LINGO2: variants seen among roughly 807,000 people sequenced by gnomAD.
LINGO2 encodes the protein leucine-rich repeat and immunoglobulin-like domain-containing nogo receptor-interacting protein 2.
A neutral mutation model predicts 30.6 loss-of-function variants in LINGO2; 14 were observed. The observed-to-expected ratio is 0.46, with a 90% CI of 0.30 to 0.72. The LOEUF is 0.72. Among genes scored for constraint, LINGO2 ranks in the 30% least tolerant of loss-of-function variants. The probability of loss-of-function intolerance (pLI) is 0.07; values close to 1 mark genes in which losing one functional copy is unlikely to be tolerated. For missense variants in LINGO2, 729 were observed against 751.7 expected (o/e 0.97, Z 0.35); for synonymous variants, 317 against 288.5 (o/e 1.10, Z -1.00).
In LINGO2 at chr9:28,305,041, T is replaced by A. The variant is rs374420173; in HGVS notation, c.-245-9675A>T. Among the ~76,000 whole-genome samples the A allele has an allele frequency of 1.4e-4, 21 of 152,122 alleles. No homozygotes were observed. The South Asian group carries it at 3.7e-3, about 27-fold the overall frequency. On this transcript the variant is annotated intron_variant, in intron 3 of 5. Coordinates refer to ENST00000379992, the Ensembl canonical transcript of LINGO2. ...AGCCAGAGCAACTTTACAATAAAGA[T>A]ACATTAAATTAAAAGAGATTTGCTT...
At chr9:28,758,163 T>C in the LINGO2 span, among the ~76,000 whole-genome samples, 7 of 152,188 alleles carry the variant, frequency 4.6e-5, no homozygotes, top group Non-Finnish European at 7.4e-5. Context: ...TTATGATTGC[T>C]TACCTGTTCA....
intron 1 of LINGO2, among the ~76,000 whole-genome samples, chr9:28,622,091 C>T (rs1447502150): frequency 6.6e-6 from 1 of 152,020 alleles, no homozygotes; most frequent in East Asian, 1.9e-4. Flanking sequence ...TTGATACAGG[C>T]ATGAAATGCA....
At position 28,408,867 on chromosome 9, in the gene LINGO2, T is replaced by C. The variant is rs1489630220; in HGVS notation, c.-278-35999A>G. Among the ~76,000 whole-genome samples, 6 of 152,174 alleles carry C rather than the reference T, an allele frequency of 3.9e-5. No individual in the cohort carries two copies. The South Asian group carries it at 1.0e-3, about 26-fold the overall frequency. Reference sequence around the variant, plus strand: ...GGATGACAAAGAGAACCACTTTCTTTGAAGTTCATAAAAAGGGAAGAATTT... The same window carrying C: ...GGATGACAAAGAGAACCACTTTCTTCGAAGTTCATAAAAAGGGAAGAATTT... On this transcript the variant is annotated intron_variant, in intron 2 of 5. Coordinates refer to ENST00000379992, the Ensembl canonical transcript of LINGO2.
the LINGO2 span, among the ~76,000 whole-genome samples, chr9:28,935,965 G>A: frequency 6.6e-6 from 1 of 152,070 alleles, no homozygotes; most frequent in Non-Finnish European, 1.5e-5. Flanking sequence ...TATTAAAATA[G>A]AGTCATATTA....
the LINGO2 span, among the ~76,000 whole-genome samples, chr9:29,067,046 G>T: frequency 8.6e-3 from 1,305 of 151,888 alleles, 17 homozygotes; most frequent in Admixed American, 0.018. Context: ...AAAGAATAAG[G>T]TTAACTATAT....
intron 1 of LINGO2, among the ~76,000 whole-genome samples, chr9:28,651,618 A>G (rs766009112): frequency 7.9e-5 from 12 of 152,166 alleles, no homozygotes; most frequent in Non-Finnish European, 1.6e-4. Flanking sequence ...TAGTTGAGGC[A>G]GGTGAAAATT....
chr9:28,124,096 T>C (rs1438339952), intron 4 of LINGO2, among the ~76,000 whole-genome samples: 2 of 152,216 alleles, frequency 1.3e-5, no homozygotes, highest in South Asian at 2.1e-4. Flanking sequence ...CACTTATTAC[T>C]GTGGATTCTC....
At chr9:28,074,005 T>C (rs1297000803) in intron 4 of LINGO2, among the ~76,000 whole-genome samples, 2 of 152,222 alleles carry the variant, frequency 1.3e-5, no homozygotes, top group African/African-American at 4.8e-5. Flanking sequence ...TATCAGAATA[T>C]GTCAATGAAA....
At chr9:28,782,814 A>G in the LINGO2 span, among the ~76,000 whole-genome samples, 7 of 152,202 alleles carry the variant, frequency 4.6e-5, no homozygotes, top group Non-Finnish European at 8.8e-5. Context: ...AAACATTCTG[A>G]GAAATGGAAG....
chr9:28,430,109 C>CGCGCGTGTGTGTGTGT (rs569701444), intron 2 of LINGO2, among the ~76,000 whole-genome samples: 14 of 136,202 alleles, frequency 1.0e-4, no homozygotes, highest in African/African-American at 3.4e-4. Context: ...CGCGCGCGCG[C>CGCGCGTGTGTGTGTGT]GTGTGTGTGT....
At chr9:29,088,270 T>C in the LINGO2 span, among the ~76,000 whole-genome samples, 3 of 152,110 alleles carry the variant, frequency 2.0e-5, no homozygotes, top group South Asian at 6.2e-4. Flanking sequence ...GCCATCTAGG[T>C]TTGGTTATCT....
the LINGO2 span, among the ~76,000 whole-genome samples, chr9:28,849,187 C>T: frequency 2.6e-5 from 4 of 152,078 alleles, no homozygotes; most frequent in Non-Finnish European, 5.9e-5. Flanking sequence ...TTGTTTAAAA[C>T]TTACACACAA....
intron 2 of LINGO2, among the ~76,000 whole-genome samples, chr9:28,436,370 A>T (rs1235348873): frequency 6.6e-6 from 1 of 152,120 alleles, no homozygotes; most frequent in African/African-American, 2.4e-5. Flanking sequence ...GATTGTCAGG[A>T]TTCTGGCAGG....
At chr9:28,698,951 AG>A in the LINGO2 span, among the ~76,000 whole-genome samples, 2 of 151,978 alleles carry the variant, frequency 1.3e-5, no homozygotes, top group African/African-American at 4.8e-5. Flanking sequence ...CTAAGGTGGG[AG>A]GTTCACTGAA....
At chr9:28,286,045 T>C (rs1335228990) in intron 4 of LINGO2, among the ~76,000 whole-genome samples, 1 of 152,232 alleles carries the variant, frequency 6.6e-6, no homozygotes, top group African/African-American at 2.4e-5. Flanking sequence ...TGCTTTTTCT[T>C]GTCCCTTTAT....
intron 4 of LINGO2, among the ~76,000 whole-genome samples, chr9:28,165,011 T>C (rs541639377): frequency 6.6e-6 from 1 of 152,246 alleles, no homozygotes; most frequent in Admixed American, 6.5e-5. Flanking sequence ...ACTTGAACTC[T>C]GATGCAGTGA....
At chr9:28,570,720 C>CT (rs1191655558) in intron 1 of LINGO2, among the ~76,000 whole-genome samples, 3 of 151,688 alleles carry the variant, frequency 2.0e-5, no homozygotes, top group Non-Finnish European at 4.4e-5. Context: ...CTACCCATGT[C>CT]TTTTTTGGAT....
chr9:28,458,277 G>C (rs1010682692), intron 2 of LINGO2, among the ~76,000 whole-genome samples: 1 of 152,110 alleles, frequency 6.6e-6, no homozygotes, highest in Non-Finnish European at 1.5e-5. Flanking sequence ...TCTGCAGCTG[G>C]ATTATATGTT....
the LINGO2 span, among the ~76,000 whole-genome samples, chr9:29,184,438 T>C: frequency 1.3e-5 from 2 of 152,104 alleles, no homozygotes; most frequent in Admixed American, 1.3e-4. Context: ...ATTAAATTCA[T>C]GTTCTATAGG....
Sources: allele counts gnomAD v4.1 joint callset (sites outside exome capture counted in the v4.1 genomes callset), GRCh38; gene constraint gnomAD v4.1.1; transcripts MANE v1.5; gene names NCBI Gene and HGNC (gene_info 2026-07-23, HGNC 2026-07-21).